PCDHA12: variants seen among roughly 807,000 people sequenced by gnomAD.
The protein encoded by PCDHA12 is protocadherin alpha 12.
A neutral mutation model predicts 60.0 loss-of-function variants in PCDHA12; 44 were observed. The observed-to-expected ratio is 0.73, with a 90% confidence interval of 0.58 to 0.94. The LOEUF is 0.94. Among genes scored for constraint, PCDHA12 ranks in the 40% least tolerant of loss-of-function variants. The pLI is 0.00. For missense variants in PCDHA12, 1,276 were observed against 1,239.7 expected, an observed-to-expected ratio of 1.03 and a Z score of -0.44; for synonymous variants, 569 against 553.0, an observed-to-expected ratio of 1.03 and a Z score of -0.40.
chr5:140,887,052 G>A (rs1187906559), intron 1 of PCDHA12, among the ~76,000 whole-genome samples: 1 of 151,228 alleles, frequency 6.6e-6, no homozygotes, highest in Non-Finnish European at 1.5e-5. Flanking sequence ...TAGTGCATAT[G>A]TTCTGGCAAC....
intron 3 of PCDHA12, among the ~76,000 whole-genome samples, chr5:140,989,801 G>A (rs1554251107): frequency 1.3e-5 from 2 of 152,184 alleles, no homozygotes; most frequent in Non-Finnish European, 1.5e-5. Context: ...CCCAGGAAAG[G>A]GCCATAAGAT....
intron 1 of PCDHA12, among the ~76,000 whole-genome samples, chr5:140,965,232 G>C (rs192008157): frequency 6.6e-5 from 10 of 152,194 alleles, no homozygotes; most frequent in Non-Finnish European, 1.0e-4. Context: ...GTGAGAACCT[G>C]GGAAGAGTGA....
chr5:140,901,234 T>A (rs1013983503), intron 1 of PCDHA12, among the ~76,000 whole-genome samples: 4 of 152,156 alleles, frequency 2.6e-5, no homozygotes, highest in African/African-American at 9.7e-5. Context: ...ATATATCCAT[T>A]TTTTTCCTTT....
At chr5:140,981,336 G>A (rs1332617891) in intron 2 of PCDHA12, among the ~76,000 whole-genome samples, 1 of 152,188 alleles carries the variant, frequency 6.6e-6, no homozygotes, top group Non-Finnish European at 1.5e-5. Context: ...CACTTTGGGA[G>A]GGTGAGGCAG....
chr5:140,987,904 G>A (rs115515462), intron 3 of PCDHA12, among the ~76,000 whole-genome samples: 1 of 151,734 alleles, frequency 6.6e-6, no homozygotes, highest in African/African-American at 2.4e-5. Context: ...TTTTATATGG[G>A]GATTTATATT....
intron 3 of PCDHA12, among the ~76,000 whole-genome samples, chr5:140,998,657 T>G (rs1252646330): frequency 6.6e-6 from 1 of 151,974 alleles, no homozygotes; most frequent in African/African-American, 2.4e-5. Flanking sequence ...CTCTGCCTCC[T>G]GGGTTCAAGT....
At chr5:140,969,923 A>G (rs1270842223) in intron 1 of PCDHA12, among the ~76,000 whole-genome samples, 3 of 152,234 alleles carry the variant, frequency 2.0e-5, no homozygotes, top group Non-Finnish European at 4.4e-5. Flanking sequence ...AAGCTGTAGT[A>G]TTTAGACATC....
At chr5:140,923,116 T>C (rs1418111802) in intron 1 of PCDHA12, among the ~76,000 whole-genome samples, 1 of 152,216 alleles carries the variant, frequency 6.6e-6, no homozygotes, top group African/African-American at 2.4e-5. Flanking sequence ...TTTAAGTTTT[T>C]AGGGTCACAC....
intron 1 of PCDHA12, among the ~76,000 whole-genome samples, chr5:140,889,202 T>G (rs1329949873): frequency 6.6e-6 from 1 of 151,910 alleles, no homozygotes; most frequent in Non-Finnish European, 1.5e-5. Context: ...ACTTGAATAC[T>G]TAACAAAGAA....
intron 1 of PCDHA12, among the ~76,000 whole-genome samples, chr5:140,942,637 A>C (rs1175766630): frequency 6.6e-6 from 1 of 152,178 alleles, no homozygotes; most frequent in African/African-American, 2.4e-5. Context: ...AAAATGGCAA[A>C]AGAGATCTCA....
At position 140,974,381 on chromosome 5, in the gene PCDHA12, G is replaced by A. The variant is rs782006620; in HGVS notation, c.2368-4568G>A. 3.3e-5 allele frequency among the ~76,000 whole-genome samples: 5 copies of A among 152,272 alleles called. No homozygotes were observed. In the East Asian group the frequency reaches 7.7e-4, roughly 23 times the overall value. On this transcript the variant is annotated intron_variant, in intron 1 of 3. Transcript: ENST00000398631. ...AGACCTAGCACTTTCTGTTGTACTG[G>A]AACCCATTAGGTATGTTCTAAAGTT...
intron 2 of PCDHA12, 91 bp from the exon 3 acceptor site, chr5:140,982,384 C>T (rs1245752901): frequency 6.3e-7 from 1 of 1,584,990 alleles, no homozygotes; most frequent in African/African-American, 1.3e-5. Context: ...GCAGCCCTGG[C>T]TTCATAGTTG....
intron 1 of PCDHA12, among the ~76,000 whole-genome samples, chr5:140,940,840 A>T (rs1554213622): frequency 2.0e-5 from 3 of 152,222 alleles, no homozygotes; most frequent in Non-Finnish European, 1.5e-5. Context: ...ACCTTTCTTC[A>T]CGATAGATTT....
chr5:140,920,972 T>C (rs246075), intron 1 of PCDHA12, among the ~76,000 whole-genome samples: 86,063 of 151,854 alleles, frequency 0.57, 25,081 homozygotes, highest in African/African-American at 0.71. Flanking sequence ...TACTAGAGTA[T>C]AATATTGTAT....
In PCDHA12 at chr5:141,009,805, A is replaced by G. The variant is rs1358613672; in HGVS notation, c.2694A>G (p.Gln898=). The change falls in exon 4 of 4, where the codon CAA becomes CAG. Residue 898 remains glutamine, a synonymous_variant. Transcript: ENST00000398631. ...ISIRQEPTNS[Q]IDKSDFITFG... ...TCCGGCAGGAGCCTACTAACAGCCAAATTGACAAAAGTGACTTCATAACCT... is the reference window on the plus strand; with the variant it reads ...TCCGGCAGGAGCCTACTAACAGCCAGATTGACAAAAGTGACTTCATAACCT... The G allele has an allele frequency of 3.1e-6, 5 of 1,613,974 alleles. No homozygotes were observed. Among genetic ancestry groups the G allele is most frequent in the African/African-American group, 1.3e-5 (1 of 74,898 alleles).
Position 140,876,560 on chromosome 5 carries a change from C to T in PCDHA12, c.1088C>T (p.Ala363Val), listed in dbSNP as rs2056422143. 1.2e-6 allele frequency: 2 copies of T among 1,614,068 alleles called. No individual in the cohort carries two copies. The highest frequency in any genetic ancestry group is 2.7e-5 in the African/African-American group (2 of 74,936). The part of the protein sequence containing the change: ...TSLSLPVQED[A>V]QVGTVIALIS... ...CTGTCGCTCCCTGTGCAAGAGGATG[C>T]TCAGGTGGGTACCGTCATTGCCCTG... Residue 363 changes from alanine to valine, a missense_variant, in exon 1 of 4, where the codon GCT (alanine) becomes GTT (valine). Ala to Val is a moderately conservative substitution (Grantham distance 64, BLOSUM62 0). Coordinates refer to ENST00000398631, the MANE Select transcript of PCDHA12 (RefSeq NM_018903.4).
intron 1 of PCDHA12, among the ~76,000 whole-genome samples, chr5:140,935,116 C>T (rs2090194943): frequency 6.6e-6 from 1 of 152,126 alleles, no homozygotes; most frequent in Non-Finnish European, 1.5e-5. Flanking sequence ...AGAGCTTTCA[C>T]TTATTTTTAG....
At chr5:140,918,971 T>C (rs1342049692) in intron 1 of PCDHA12, among the ~76,000 whole-genome samples, 3 of 152,234 alleles carry the variant, frequency 2.0e-5, no homozygotes, top group Admixed American at 6.5e-5. Flanking sequence ...AGATATCGTT[T>C]AGGTTAGTTG....
chr5:140,941,175 C>T (rs1344326389), intron 1 of PCDHA12, among the ~76,000 whole-genome samples: 1 of 145,416 alleles, frequency 6.9e-6, no homozygotes, highest in Admixed American at 6.8e-5. Context: ...CCATCTTGAA[C>T]ATCCTGCTTC....
Sources: allele counts gnomAD v4.1 joint callset (sites outside exome capture counted in the v4.1 genomes callset), GRCh38; gene constraint gnomAD v4.1.1; transcripts MANE v1.5; gene names NCBI Gene and HGNC (gene_info 2026-07-23, HGNC 2026-07-21).